RALGPS1: variants seen among roughly 807,000 people sequenced by gnomAD.
RALGPS1 encodes the protein Ral GEF with PH domain and SH3 binding motif 1.
RALGPS1 carries 19 observed loss-of-function variants against 78.8 expected under a neutral mutation model. The ratio of observed to expected loss-of-function variants is 0.24; its 90% CI spans 0.17 to 0.35. The LOEUF is 0.35. Among genes scored for constraint, RALGPS1 ranks in the 10% least tolerant of loss-of-function variants. The pLI is 1.00. For missense variants in RALGPS1, 454 were observed against 688.3 expected, an observed-to-expected ratio of 0.66 and a Z score of 3.81; for synonymous variants, 228 against 256.3, an observed-to-expected ratio of 0.89 and a Z score of 1.06.
rs112655907 is a variant in RALGPS1, at chr9:126,969,905, G to A, written c.165+3954G>A. 2.7e-3 allele frequency among the ~76,000 whole-genome samples: 416 copies of A among 152,302 alleles called. 3 individuals carry two copies. Among genetic ancestry groups the A allele is most frequent in the African/African-American group, 9.4e-3 (391 of 41,560 alleles). ...ACTTTGGCTGTCCCTGCTGGAGCTA[G>A]TATGTCTTCAGCTTACATGTGAAAC... On this transcript the variant is annotated intron_variant, in intron 3 of 18. Transcript: ENST00000259351.
intron 6 of RALGPS1, among the ~76,000 whole-genome samples, chr9:127,050,922 T>C (rs2048254908): frequency 6.6e-6 from 1 of 152,206 alleles, no homozygotes; most frequent in African/African-American, 2.4e-5. Context: ...GGTCACCTGC[T>C]TTACTGACCT....
At chr9:127,005,694 TC>T (rs2043773714) in intron 4 of RALGPS1, among the ~76,000 whole-genome samples, 1 of 152,202 alleles carries the variant, frequency 6.6e-6, no homozygotes. Context: ...TACTTTTTTT[TC>T]TTTGAAAGGA....
Position 126,976,313 on chromosome 9 carries a change from T to TCACA in RALGPS1, c.166-1366_166-1363dup, listed in dbSNP as rs33925120. On this transcript the variant is annotated intron_variant, in intron 3 of 18. Coordinates refer to ENST00000259351, the MANE Select transcript of RALGPS1 (RefSeq NM_014636.3). ...ACCCCCTTACACTCAACACTCATTC[T>TCACA]CACACACACACACACACACTTTCAT... 1.8e-3 allele frequency among the ~76,000 whole-genome samples: 267 copies of TCACA among 150,462 alleles called. 2 individuals are homozygous for TCACA. Among genetic ancestry groups the TCACA allele is most frequent in the Middle Eastern group, 0.01 (3 of 292 alleles).
chr9:127,001,861 G>A (rs921865497), intron 4 of RALGPS1, among the ~76,000 whole-genome samples: 2 of 152,106 alleles, frequency 1.3e-5, no homozygotes, highest in Non-Finnish European at 2.9e-5. Context: ...TCCAGCCTTG[G>A]CAACAAGAGT....
intron 5 of RALGPS1, among the ~76,000 whole-genome samples, chr9:127,036,370 T>TGTCC (rs1337142948): frequency 6.6e-6 from 1 of 152,218 alleles, no homozygotes; most frequent in Admixed American, 6.5e-5. Flanking sequence ...ACAAGACTCA[T>TGTCC]CAGACTCCAA....
At chr9:126,993,250 C>T (rs2042430660) in intron 4 of RALGPS1, among the ~76,000 whole-genome samples, 1 of 152,092 alleles carries the variant, frequency 6.6e-6, no homozygotes, top group Admixed American at 6.5e-5. Flanking sequence ...AATTAATTAT[C>T]TTTTTTGTAT....
rs151170168 is a variant in RALGPS1, at chr9:126,916,470, C to A, written c.-66+1495C>A. ...AAGTCCCTCTGCCCCCATCCAAGTACAGACCCCGATTTTACCACATTCCAA... is the reference window on the plus strand; with the variant it reads ...AAGTCCCTCTGCCCCCATCCAAGTAAAGACCCCGATTTTACCACATTCCAA... On this transcript the variant is annotated intron_variant, in intron 1 of 18. Coordinates refer to ENST00000259351, the MANE Select transcript of RALGPS1 (RefSeq NM_014636.3). 3.2e-4 allele frequency among the ~76,000 whole-genome samples: 48 copies of A among 152,286 alleles called. No individual in the cohort carries two copies. In the East Asian group the frequency reaches 6.6e-3, roughly 21 times the overall value.
chr9:127,134,950 G>A (rs1355721979), intron 8 of RALGPS1, among the ~76,000 whole-genome samples: 1 of 152,160 alleles, frequency 6.6e-6, no homozygotes, highest in African/African-American at 2.4e-5. Flanking sequence ...GCACTGTGGG[G>A]AAGAGAGAGG....
At chr9:127,201,558 A>C (rs116674383) in intron 14 of RALGPS1, among the ~76,000 whole-genome samples, 1,957 of 152,354 alleles carry the variant, frequency 0.013, 47 homozygotes, top group African/African-American at 0.044. Context: ...TGGAGAGTCC[A>C]CAGGAGAGTC....
At chr9:127,068,965 G>A (rs1434595026) in intron 7 of RALGPS1, among the ~76,000 whole-genome samples, 1 of 152,192 alleles carries the variant, frequency 6.6e-6, no homozygotes, top group African/African-American at 2.4e-5. Flanking sequence ...ACTGGTGGAC[G>A]TGTCTTATAG....
In RALGPS1 at chr9:127,062,399, A is replaced by G. The variant is rs114883232; in HGVS notation, c.484-6831A>G. On this transcript the variant is annotated intron_variant, in intron 7 of 18. Transcript: ENST00000259351. ...AGGTGTGAGCTGCCGCGCCCGGCCAAGGATGATTTTTTAAAAAGATAAAAT... is the reference window on the plus strand; with the variant it reads ...AGGTGTGAGCTGCCGCGCCCGGCCAGGGATGATTTTTTAAAAAGATAAAAT... Among the ~76,000 whole-genome samples, 1,209 of 152,314 alleles carry G rather than the reference A, an allele frequency of 7.9e-3. 23 individuals carry two copies. Among genetic ancestry groups the G allele is most frequent in the African/African-American group, 0.027 (1,143 of 41,566 alleles).
chr9:127,023,387 CTTCT>C (rs1187235713), intron 4 of RALGPS1, among the ~76,000 whole-genome samples: 4 of 152,230 alleles, frequency 2.6e-5, no homozygotes, highest in Non-Finnish European at 5.9e-5. Flanking sequence ...ATGGCTCTCT[CTTCT>C]TTCTTTCCCA....
chr9:127,031,888 T>C (rs2046458023), intron 4 of RALGPS1, among the ~76,000 whole-genome samples: 1 of 152,160 alleles, frequency 6.6e-6, no homozygotes, highest in African/African-American at 2.4e-5. Context: ...ACCAAGTAAA[T>C]GTAGGGAAGA....
At chr9:126,922,784 C>A (rs1199233505) in intron 1 of RALGPS1, among the ~76,000 whole-genome samples, 1 of 152,196 alleles carries the variant, frequency 6.6e-6, no homozygotes, top group Non-Finnish European at 1.5e-5. Context: ...TTTGTTCTTG[C>A]GTATTCAGGG....
intron 1 of RALGPS1, among the ~76,000 whole-genome samples, chr9:126,944,511 T>C (rs2037076248): frequency 6.6e-6 from 1 of 151,206 alleles, no homozygotes; most frequent in Non-Finnish European, 1.5e-5. Context: ...CCCATAATGG[T>C]TTTTCACAGG....
intron 8 of RALGPS1, among the ~76,000 whole-genome samples, chr9:127,119,644 T>C (rs1177811091): frequency 6.6e-6 from 1 of 152,198 alleles, no homozygotes; most frequent in Non-Finnish European, 1.5e-5. Context: ...TTTAGCCCAG[T>C]GGGTACTTCC....
At chr9:127,120,872 C>T (rs920591352) in intron 8 of RALGPS1, among the ~76,000 whole-genome samples, 3 of 152,108 alleles carry the variant, frequency 2.0e-5, no homozygotes, top group African/African-American at 4.8e-5. Flanking sequence ...TCCCTTCCCT[C>T]TGTGCCAGTC....
At chr9:127,163,243 A>G (rs2059119126) in intron 8 of RALGPS1, among the ~76,000 whole-genome samples, 1 of 152,174 alleles carries the variant, frequency 6.6e-6, no homozygotes, top group South Asian at 2.1e-4. Context: ...TGAAGCAGTA[A>G]TAGCATTTTT....
At chr9:127,110,138 T>C (rs944170709) in intron 8 of RALGPS1, among the ~76,000 whole-genome samples, 4 of 152,188 alleles carry the variant, frequency 2.6e-5, no homozygotes, top group African/African-American at 9.6e-5. Flanking sequence ...CACTCACCAT[T>C]TCCAGAAAGT....
Sources: allele counts gnomAD v4.1 joint callset (sites outside exome capture counted in the v4.1 genomes callset), GRCh38; gene constraint gnomAD v4.1.1; transcripts MANE v1.5; gene names NCBI Gene and HGNC (gene_info 2026-07-23, HGNC 2026-07-21).